FREM2: variants seen among roughly 807,000 people sequenced by gnomAD.
FREM2 encodes FRAS1-related extracellular matrix protein 2.
Under a neutral mutation model 219.9 loss-of-function variants are expected in FREM2, and 119 were observed. The ratio of observed to expected loss-of-function variants is 0.54; its 90% CI spans 0.47 to 0.63. The LOEUF (loss-of-function observed/expected upper bound fraction) is 0.63. FREM2 is among the 30% of genes least tolerant of loss of function. The pLI, the probability that FREM2 is intolerant of heterozygous loss-of-function variation, is 0.00. For missense variants in FREM2, 4,030 were observed against 3,993.6 expected (o/e 1.01, Z -0.25); for synonymous variants, 1,562 against 1,522.8 (o/e 1.03, Z -0.60).
At chr13:38,706,651 A>T (rs1190879508) in intron 2 of FREM2, among the ~76,000 whole-genome samples, 1 of 152,196 alleles carries the variant, frequency 6.6e-6, no homozygotes. Context: ...TGAAAATATA[A>T]AATCCTGCTT....
intron 2 of FREM2, among the ~76,000 whole-genome samples, chr13:38,759,954 G>C (rs534567278): frequency 6.6e-6 from 1 of 152,314 alleles, no homozygotes; most frequent in Non-Finnish European, 1.5e-5. Flanking sequence ...TTAGTAAAGA[G>C]AGTTACAATA....
At position 38,848,507 on chromosome 13, in the gene FREM2, T is replaced by A. The variant is rs1205084730; in HGVS notation, c.6216T>A (p.Pro2072=). Residue 2072 remains proline, a synonymous_variant, in exon 8 of 24, where the codon CCT becomes CCA. Transcript: ENST00000280481. The stretch of plus-strand genomic sequence containing the variant: ...TCAGCCGTAATTTAGATTTTGCACC[T>A]GGAGTCAACATGCAGCCTGTTCGTG... ...VGISRNLDFA[P]GVNMQPVRVV... is the part of the protein sequence containing the mutation. 6.2e-7 allele frequency: 1 copy of A among 1,614,102 alleles called. No individual in the cohort carries two copies.
chr13:38,796,337 A>G (rs1874779872), intron 6 of FREM2, among the ~76,000 whole-genome samples: 1 of 152,200 alleles, frequency 6.6e-6, no homozygotes, highest in South Asian at 2.1e-4. Context: ...ATGTTCTGGT[A>G]AAGAACTGGG....
intron 6 of FREM2, among the ~76,000 whole-genome samples, chr13:38,811,922 C>A (rs1875493704): frequency 6.6e-6 from 1 of 152,058 alleles, no homozygotes; most frequent in African/African-American, 2.4e-5. Flanking sequence ...TTGCATTGGG[C>A]TCCATCTCTC....
intron 2 of FREM2, among the ~76,000 whole-genome samples, chr13:38,748,493 G>T (rs1178374456): frequency 5.3e-5 from 8 of 152,142 alleles, no homozygotes. Context: ...GTTTTGGATG[G>T]TTTGTACTCA....
chr13:38,727,987 A>G (rs4448808), intron 2 of FREM2, among the ~76,000 whole-genome samples: 3,517 of 152,320 alleles, frequency 0.023, 59 homozygotes, highest in Non-Finnish European at 0.038. Context: ...CAGGTAAGCT[A>G]TATTTAACCT....
At chr13:38,695,582 T>C (rs1870076715) in intron 1 of FREM2, among the ~76,000 whole-genome samples, 2 of 152,316 alleles carry the variant, frequency 1.3e-5, no homozygotes, top group South Asian at 4.1e-4. Context: ...GCCTTTAGAT[T>C]TTCTTATGCA....
chr13:38,700,832 T>C (rs947570412), intron 2 of FREM2, among the ~76,000 whole-genome samples: 4 of 152,078 alleles, frequency 2.6e-5, no homozygotes, highest in African/African-American at 9.7e-5. Context: ...TCTAGGAATG[T>C]TTAATAGATG....
chr13:38,858,461 T>C (rs761507813), intron 13 of FREM2, among the ~76,000 whole-genome samples: 2 of 152,132 alleles, frequency 1.3e-5, no homozygotes, highest in Non-Finnish European at 2.9e-5. Context: ...TTTGACTCTT[T>C]AGGATGCAAG....
intron 2 of FREM2, among the ~76,000 whole-genome samples, chr13:38,761,960 C>CT (rs1873242945): frequency 6.6e-6 from 1 of 152,112 alleles, no homozygotes; most frequent in African/African-American, 2.4e-5. Context: ...TGGGCAAAAG[C>CT]TGTAGGCAAG....
intron 3 of FREM2, 77 bp downstream of exon 3, chr13:38,764,527 A>G (rs2137809563): frequency 1.1e-6 from 1 of 880,606 alleles, no homozygotes; most frequent in African/African-American, 1.7e-5. Flanking sequence ...TGATTAAAGT[A>G]TCAGTTTAGT....
At chr13:38,853,302 C>T (rs1016835263) in intron 11 of FREM2, among the ~76,000 whole-genome samples, 34 of 142,972 alleles carry the variant, frequency 2.4e-4, no homozygotes, top group South Asian at 2.2e-4. Context: ...GAGAGACAAG[C>T]GCAAAACTCC....
intron 4 of FREM2, among the ~76,000 whole-genome samples, chr13:38,774,228 G>A (rs569431977): frequency 2.0e-5 from 3 of 151,910 alleles, no homozygotes; most frequent in East Asian, 3.9e-4. Context: ...TATATATTAA[G>A]CCTCAAATTT....
chr13:38,687,374 C>T lies in FREM2; in HGVS notation c.30C>T (p.Ser10=). 1 of 1,608,552 alleles carries T rather than the reference C, an allele frequency of 6.2e-7. No homozygotes were observed. The highest frequency in any genetic ancestry group is 1.1e-5 in the South Asian group (1 of 90,112). Reference sequence around the variant, plus strand: ...ACTCAGCCGGGACTCCCGGGTTATCCTCGCGCCGGACAGGCAACTCCACCA... The same window carrying T: ...ACTCAGCCGGGACTCCCGGGTTATCTTCGCGCCGGACAGGCAACTCCACCA... The part of the protein sequence containing the change: MHSAGTPGL[S]SRRTGNSTSF... The change falls in exon 1 of 24, where the codon TCC becomes TCT. Residue 10 remains serine, a synonymous_variant. Transcript: ENST00000280481.
intron 2 of FREM2, among the ~76,000 whole-genome samples, chr13:38,747,890 C>T (rs1036943579): frequency 6.6e-6 from 1 of 152,142 alleles, no homozygotes; most frequent in African/African-American, 2.4e-5. Flanking sequence ...CCATGCTTCC[C>T]ATACTGGTAG....
intron 4 of FREM2, chr13:38,779,665 C>T (rs542195861): frequency 6.6e-6 from 1 of 152,278 alleles, no homozygotes; most frequent in Non-Finnish European, 1.5e-5. Flanking sequence ...ATGCCTATGC[C>T]CGGTGTCACC....
intron 4 of FREM2, among the ~76,000 whole-genome samples, chr13:38,778,266 C>G (rs1873957610): frequency 6.6e-6 from 1 of 152,164 alleles, no homozygotes; most frequent in African/African-American, 2.4e-5. Flanking sequence ...ACATTTCTTT[C>G]TCACAGTTCT....
chr13:38,709,327 T>C, intron 2 of FREM2, among the ~76,000 whole-genome samples: 1 of 152,188 alleles, frequency 6.6e-6, no homozygotes, highest in East Asian at 1.9e-4. Context: ...AACTCATATT[T>C]GGATCTCAAA....
intron 6 of FREM2, among the ~76,000 whole-genome samples, chr13:38,840,911 A>G (rs527890156): frequency 3.0e-4 from 45 of 152,248 alleles, no homozygotes; most frequent in Non-Finnish European, 5.4e-4. Context: ...TAGCATTTCT[A>G]TATGACAGGT....
Sources: allele counts gnomAD v4.1 joint callset (sites outside exome capture counted in the v4.1 genomes callset), GRCh38; gene constraint gnomAD v4.1.1; transcripts MANE v1.5; gene names NCBI Gene and HGNC (gene_info 2026-07-23, HGNC 2026-07-21).